FAT4: variants seen among roughly 807,000 people sequenced by gnomAD.
The protein encoded by FAT4 is protocadherin Fat 4.
FAT4 carries 84 observed loss-of-function variants against 303.9 expected under a neutral mutation model. The observed-to-expected ratio is 0.28, with a 90% CI of 0.23 to 0.33. FAT4 has a LOEUF of 0.33. Ranked by LOEUF, FAT4 falls within the 10% of genes least tolerant of loss-of-function variation. The pLI, the probability that FAT4 is intolerant of heterozygous loss-of-function variation, is 1.00. For synonymous variants in FAT4, 2,307 were observed against 2,298.8 expected (o/e 1.00, Z -0.10); for missense variants, 6,005 against 6,146.8 (o/e 0.98, Z 0.77).
At chr4:125,460,318 T>G (rs1726439230) in intron 10 of FAT4, among the ~76,000 whole-genome samples, 1 of 152,072 alleles carries the variant, frequency 6.6e-6, no homozygotes, top group South Asian at 2.1e-4. Context: ...TGGGTACATG[T>G]GAAGGTTTGG....
chr4:125,355,798 T>C (rs1578553624), intron 2 of FAT4, among the ~76,000 whole-genome samples: 1 of 151,812 alleles, frequency 6.6e-6, no homozygotes. Flanking sequence ...CATATGGCAC[T>C]GATGATGATG....
chr4:125,488,815 A>G (rs969429284), intron 17 of FAT4, among the ~76,000 whole-genome samples: 1 of 152,218 alleles, frequency 6.6e-6, no homozygotes, highest in African/African-American at 2.4e-5. Context: ...GAAGTACTGG[A>G]CATGGATGTG....
chr4:125,478,228 C>T (rs1413619565), intron 14 of FAT4, among the ~76,000 whole-genome samples: 1 of 152,048 alleles, frequency 6.6e-6, no homozygotes, highest in Non-Finnish European at 1.5e-5. Flanking sequence ...TTTCTATTTG[C>T]CTTTCTTTTC....
chr4:125,318,700 A>G lies in FAT4; in HGVS notation c.2289A>G (p.Ile763Met). The G allele has an allele frequency of 1.2e-6, 2 of 1,614,148 alleles. No homozygotes were observed. The highest frequency in any genetic ancestry group is 1.7e-6 in the Non-Finnish European group (2 of 1,179,998). Residue 763 changes from isoleucine (I) to methionine (M), a missense_variant, in exon 2 of 18, where the codon ATA becomes ATG. By Grantham distance (10) the Ile-to-Met change is conservative. Transcript: ENST00000394329. ...REEKTAYQLQIVATDGGNLQS... is the reference protein window; with the variant it reads ...REEKTAYQLQMVATDGGNLQS... ...AAAAAACAGCTTATCAGTTGCAAAT[A>G]GTAGCTACTGATGGTGGCAATTTAC...
At chr4:125,322,294 C>T (rs1046031523) in intron 2 of FAT4, among the ~76,000 whole-genome samples, 1 of 152,092 alleles carries the variant, frequency 6.6e-6, no homozygotes, top group South Asian at 2.1e-4. Flanking sequence ...GAGTTCAATG[C>T]CATGGGATAG....
chr4:125,416,476 C>G lies in FAT4; in HGVS notation c.6872C>G (p.Ser2291Cys), dbSNP rs1404377212. ...QVVARDDDRG[S>C]NSKLSYVLFG... ...GTGGCAAGAGATGATGATCGAGGATCTAACAGCAAACTCTCATATGTTCTG... is the reference window on the plus strand; with the variant it reads ...GTGGCAAGAGATGATGATCGAGGATGTAACAGCAAACTCTCATATGTTCTG... The change falls in exon 7 of 18, where the codon TCT (serine) becomes TGT (cysteine). Residue 2291 changes from serine (S) to cysteine (C), a missense_variant. Coordinates refer to ENST00000394329, the MANE Select transcript of FAT4 (RefSeq NM_001291303.3). The G allele has an allele frequency of 6.2e-7, 1 of 1,613,686 alleles. No homozygotes were observed. The highest frequency in any genetic ancestry group is 2.2e-5 in the East Asian group (1 of 44,858).
chr4:125,339,287 C>G (rs1006857451), intron 2 of FAT4, among the ~76,000 whole-genome samples: 3 of 152,066 alleles, frequency 2.0e-5, no homozygotes, highest in Non-Finnish European at 4.4e-5. Context: ...CCTCAGCCTC[C>G]CGGGTTCAAG....
intron 2 of FAT4, among the ~76,000 whole-genome samples, chr4:125,335,094 C>T (rs1170700268): frequency 6.6e-6 from 1 of 152,122 alleles, no homozygotes; most frequent in Non-Finnish European, 1.5e-5. Flanking sequence ...GTAGAATTTT[C>T]TCTGTAGGAC....
chr4:125,451,681 C>T lies in FAT4; in HGVS notation c.10671C>T (p.Thr3557=). The change falls in exon 10 of 18, where the codon ACC becomes ACT. Residue 3557 remains threonine (T), a synonymous_variant. Transcript: ENST00000394329. The part of the protein sequence containing the change: ...TYYLLSTGPA[T]SYFSLSTAGV... ...ACTTGCTGAGCACAGGTCCTGCCAC[C>T]AGTTATTTCAGTCTGAGCACTGCTG... 6.2e-7 allele frequency: 1 copy of T among 1,614,106 alleles called. No individual in the cohort carries two copies. Among genetic ancestry groups the T allele is most frequent in the African/African-American group, 1.3e-5 (1 of 75,038 alleles).
chr4:125,407,786 T>C (rs1734678684), intron 4 of FAT4, among the ~76,000 whole-genome samples: 1 of 152,026 alleles, frequency 6.6e-6, no homozygotes, highest in Admixed American at 6.6e-5. Flanking sequence ...ATGTTTCTGG[T>C]GTGTGTGTGT....
At position 125,490,580 on chromosome 4, in the gene FAT4, G is replaced by A; in HGVS notation, c.13764G>A (p.Arg4588=). The stretch of plus-strand genomic sequence containing the variant: ...ACCCAAAACCAGATATCATTGAAAG[G>A]GAAAACCCCTACCTTATCTATGATG... ...EGNPKPDIIE[R]ENPYLIYDET... The change falls in exon 18 of 18, where the codon AGG becomes AGA. Residue 4588 remains arginine, a synonymous_variant. Coordinates refer to ENST00000394329, the MANE Select transcript of FAT4 (RefSeq NM_001291303.3). The A allele has an allele frequency of 6.2e-7, 1 of 1,614,072 alleles. No individual in the cohort carries two copies. The highest frequency in any genetic ancestry group is 8.5e-7 in the Non-Finnish European group (1 of 1,180,006).
At position 125,446,528 on chromosome 4, in the gene FAT4, T is replaced by C; in HGVS notation, c.7435T>C (p.Ser2479Pro). The C allele has an allele frequency of 6.2e-7, 1 of 1,610,136 alleles. No homozygotes were observed. The highest frequency in any genetic ancestry group is 1.1e-5 in the South Asian group (1 of 90,874). The change falls in exon 9 of 18, where the codon TCT becomes CCT. Residue 2479 changes from serine (S) to proline (P), a missense_variant. By Grantham distance (74) the Ser-to-Pro change is moderately conservative. Transcript: ENST00000394329. ...TCACCCATATGTCACTCACATCCCA[T>C]CTCCTACTCTTCCAGGTAATCAACC... ...QHHPYVTHIPSPTLPGSFVFA... is the reference protein window; with the variant it reads ...QHHPYVTHIPPPTLPGSFVFA...
chr4:125,452,661 G>T lies in FAT4; in HGVS notation c.11651G>T (p.Gly3884Val). Reference protein sequence around the residue: ...HSGGTCHNLVGGFSCSCPDGF... With the variant: ...HSGGTCHNLVVGFSCSCPDGF... ...GGTGGAACCTGTCACAATTTAGTGGGAGGATTTTCATGCAGCTGCCCAGAT... is the reference window on the plus strand; with the variant it reads ...GGTGGAACCTGTCACAATTTAGTGGTAGGATTTTCATGCAGCTGCCCAGAT... Residue 3884 changes from glycine to valine, a missense_variant, in exon 10 of 18, where the codon GGA becomes GTA. Physicochemically the swap from Gly to Val is moderately radical, Grantham distance 109. Coordinates refer to ENST00000394329, the MANE Select transcript of FAT4 (RefSeq NM_001291303.3). 6.2e-7 allele frequency: 1 copy of T among 1,614,124 alleles called. No homozygotes were observed. Among genetic ancestry groups the T allele is most frequent in the Non-Finnish European group, 8.5e-7 (1 of 1,180,026 alleles).
chr4:125,357,188 A>T (rs965512887), intron 2 of FAT4, among the ~76,000 whole-genome samples: 1 of 152,142 alleles, frequency 6.6e-6, no homozygotes, highest in Non-Finnish European at 1.5e-5. Flanking sequence ...GTACCTGTAA[A>T]CAAAAAGAAG....
At position 125,361,405 on chromosome 4, in the gene FAT4, T is replaced by C. The variant is rs566791114; in HGVS notation, c.5176-37379T>C. ...GAGTGAGATGGCATGTGACAGTCAATGGTTAGTGATGGGGTAGAGGCCCAT... is the reference window on the plus strand; with the variant it reads ...GAGTGAGATGGCATGTGACAGTCAACGGTTAGTGATGGGGTAGAGGCCCAT... On this transcript the variant is annotated intron_variant, in intron 2 of 17. Coordinates refer to ENST00000394329, the MANE Select transcript of FAT4 (RefSeq NM_001291303.3). 2.0e-5 allele frequency among the ~76,000 whole-genome samples: 3 copies of C among 152,204 alleles called. No homozygotes were observed. The South Asian group carries it at 6.2e-4, about 32-fold the overall frequency.
chr4:125,351,184 G>A (rs1732211555), intron 2 of FAT4, among the ~76,000 whole-genome samples: 1 of 151,576 alleles, frequency 6.6e-6, no homozygotes, highest in African/African-American at 2.4e-5. Context: ...AAATGCAATT[G>A]ATCATATGAT....
intron 10 of FAT4, among the ~76,000 whole-genome samples, chr4:125,462,962 T>C (rs966752145): frequency 6.6e-6 from 1 of 152,012 alleles, no homozygotes; most frequent in Non-Finnish European, 1.5e-5. Context: ...AAAAATATGC[T>C]GTTTAGGTAT....
chr4:125,448,593 G>C lies in FAT4; in HGVS notation c.7583G>C (p.Gly2528Ala). 2 of 1,613,918 alleles carry C rather than the reference G, an allele frequency of 1.2e-6. No homozygotes were observed. Among genetic ancestry groups the C allele is most frequent in the African/African-American group, 2.7e-5 (2 of 75,002 alleles). ...DPLRGAIMAAGPLNGASEVTF... is the reference protein window; with the variant it reads ...DPLRGAIMAAAPLNGASEVTF... ...CTGAGGGGAGCCATTATGGCCGCCG[G>C]ACCACTAAACGGAGCTTCAGAAGTG... The change falls in exon 10 of 18, where the codon GGA becomes GCA. Residue 2528 changes from glycine to alanine, a missense_variant. Gly to Ala is a moderately conservative substitution (Grantham distance 60). Transcript: ENST00000394329.
chr4:125,489,965 G>T lies in FAT4; in HGVS notation c.13149G>T (p.Lys4383Asn). 6.2e-7 allele frequency: 1 copy of T among 1,611,376 alleles called. No homozygotes were observed. The highest frequency in any genetic ancestry group is 8.5e-7 in the Non-Finnish European group (1 of 1,179,602). The change falls in exon 18 of 18, where the codon AAG becomes AAT. Residue 4383 changes from lysine to asparagine, a missense_variant. Coordinates refer to ENST00000394329, the MANE Select transcript of FAT4 (RefSeq NM_001291303.3). Reference sequence around the variant, plus strand: ...GAGAAAGTCTTCCTTTCAGCGGGAAGCATAGCTTGGCCTCCATCTCAAAAA... The same window carrying T: ...GAGAAAGTCTTCCTTTCAGCGGGAATCATAGCTTGGCCTCCATCTCAAAAA... Reference protein sequence around the residue: ...YGGESLPFSGKHSLASISKTD... With the variant: ...YGGESLPFSGNHSLASISKTD...
Sources: gnomAD v4.1 joint callset for allele counts (sites outside exome capture counted in the v4.1 genomes callset) on GRCh38, gnomAD v4.1.1 for gene constraint, MANE v1.5 for transcripts, NCBI Gene and HGNC (gene_info 2026-07-23, HGNC 2026-07-21) for gene names.